BASP1: variants seen among roughly 807,000 people sequenced by gnomAD.
The protein encoded by BASP1 is brain abundant membrane attached signal protein 1.
A neutral mutation model predicts 2.2 loss-of-function variants in BASP1; 1 was observed. The ratio of observed to expected loss-of-function variants is 0.46; its 90% CI spans 0.16 to 2.17. The LOEUF is 2.17. Ranked by LOEUF, BASP1 falls within the 30% of genes most tolerant of loss-of-function variation. The pLI, the probability that BASP1 is intolerant of heterozygous loss-of-function variation, is 0.27. For synonymous variants in BASP1, 187 were observed against 154.2 expected (o/e 1.21, Z -1.58); for missense variants, 352 against 327.2 (o/e 1.08, Z -0.58).
Position 17,275,957 on chromosome 5 carries a change from C to G in BASP1, c.*57C>G. 1 of 1,401,406 alleles carries G rather than the reference C, an allele frequency of 7.1e-7. No homozygotes were observed. Among genetic ancestry groups the G allele is most frequent in the South Asian group, 1.5e-5 (1 of 67,892 alleles). The allele number at this position is 1,401,406 out of a possible 1,614,324, so 86.8% of individuals were successfully genotyped here. ...TTAAAACAATCTCCTCTCTCTCTCT[C>G]TCTCTCTCTCTCTATCTCTCTCTCT... is the stretch of plus-strand genomic sequence containing the variant. On this transcript the variant is annotated 3_prime_UTR_variant, in exon 2 of 2. Coordinates refer to ENST00000322611, the MANE Select transcript of BASP1 (RefSeq NM_006317.5). This position sits in a 1 kb window ranked among gnomAD's most constrained non-coding sequence, Gnocchi z 5.3.
intron 1 of BASP1, among the ~76,000 whole-genome samples, chr5:17,237,317 C>T (rs987716577): frequency 6.6e-6 from 1 of 152,002 alleles, no homozygotes; most frequent in Non-Finnish European, 1.5e-5. Flanking sequence ...GCACTCCAGC[C>T]TGGGCGACAC....
At chr5:17,273,855 GGATAGTATAATGT>G (rs1740576826) in intron 1 of BASP1, among the ~76,000 whole-genome samples, 1 of 152,032 alleles carries the variant, frequency 6.6e-6, no homozygotes, top group Admixed American at 6.6e-5. Context: ...GGACTAACGA[GGATAGTATAATGT>G]GATTTCTGCC....
intron 1 of BASP1, among the ~76,000 whole-genome samples, chr5:17,223,267 G>A (rs1739426036): frequency 1.3e-5 from 2 of 152,126 alleles, no homozygotes; most frequent in South Asian, 4.1e-4. Context: ...TACCTTCTCT[G>A]TGCCTCAATT....
chr5:17,245,320 A>T (rs1403383986), intron 1 of BASP1, among the ~76,000 whole-genome samples: 1 of 151,998 alleles, frequency 6.6e-6, no homozygotes, highest in Non-Finnish European at 1.5e-5. Context: ...AAAAAAAAAA[A>T]AAAAATCAGT....
At chr5:17,256,750 A>C (rs1026379046) in intron 1 of BASP1, among the ~76,000 whole-genome samples, 1 of 152,160 alleles carries the variant, frequency 6.6e-6, no homozygotes, top group Non-Finnish European at 1.5e-5. Flanking sequence ...AAGGAGAGTG[A>C]TTCTCTAAGC....
intron 1 of BASP1, among the ~76,000 whole-genome samples, chr5:17,242,537 G>T (rs1159321576): frequency 6.6e-6 from 1 of 152,032 alleles, no homozygotes; most frequent in Non-Finnish European, 1.5e-5. Flanking sequence ...TTCCCTCTTG[G>T]TGTTGTACCT....
At chr5:17,222,516 A>T (rs901561470) in intron 1 of BASP1, among the ~76,000 whole-genome samples, 1 of 152,170 alleles carries the variant, frequency 6.6e-6, no homozygotes, top group African/African-American at 2.4e-5. Context: ...CAAGAGTAAA[A>T]ATCAACCATA....
chr5:17,235,324 G>A (rs1295929531), intron 1 of BASP1, among the ~76,000 whole-genome samples: 2 of 150,980 alleles, frequency 1.3e-5, no homozygotes, highest in African/African-American at 4.9e-5. Context: ...GCAGTGGTGC[G>A]ATCTTGGCTC....
intron 1 of BASP1, among the ~76,000 whole-genome samples, chr5:17,247,366 C>T (rs142974752): frequency 1.5e-4 from 23 of 152,266 alleles, no homozygotes; most frequent in African/African-American, 5.1e-4. Flanking sequence ...GAAAATGCCC[C>T]ATAGGTTCTA....
chr5:17,217,997 C>G (rs1323968534), intron 1 of BASP1, among the ~76,000 whole-genome samples, 187 bp downstream of exon 1: 16 of 151,816 alleles, frequency 1.1e-4, no homozygotes, highest in Admixed American at 9.8e-4. Context: ...CTTCGGGGAT[C>G]CCGGGTGATG....
intron 1 of BASP1, among the ~76,000 whole-genome samples, chr5:17,225,796 T>C (rs1218472562): frequency 1.3e-5 from 2 of 152,178 alleles, no homozygotes; most frequent in Non-Finnish European, 2.9e-5. Flanking sequence ...GGCTTATTGG[T>C]TTGAGAGCTG....
rs55917297 is a variant in BASP1 at position 17,276,633 on chromosome 5, GAAAA to G, written c.*749_*752del. The G allele has an allele frequency of 1.3e-3, 141 of 105,072 alleles. No individual in the cohort carries two copies. The highest frequency in any genetic ancestry group is 1.9e-3 in the Non-Finnish European group (105 of 55,660). The allele number at this position is 105,072 out of a possible 1,614,324, so 6.5% of individuals were successfully genotyped here. The stretch of plus-strand genomic sequence containing the variant: ...GTTCTGTTTATTGGTCAGTGGAAAT[GAAAA>G]AAAAAAAAAAAAAAAGTCTGCGTTC... On this transcript the variant is annotated 3_prime_UTR_variant, in exon 2 of 2. Transcript: ENST00000322611.
chr5:17,244,603 G>A (rs1441410065), intron 1 of BASP1, among the ~76,000 whole-genome samples: 1 of 151,886 alleles, frequency 6.6e-6, no homozygotes, highest in Non-Finnish European at 1.5e-5. Flanking sequence ...AGACTTAAGA[G>A]TTCTGTTTTG....
chr5:17,230,599 C>T lies in BASP1; in HGVS notation c.-10+12789C>T, dbSNP rs139660371. ...TATTTTATTTTTTGAGACAGGGGCT[C>T]GCTCTGTGATGCAGGCTGCAGTGGT... is the stretch of plus-strand genomic sequence containing the variant. On this transcript the variant is annotated intron_variant, in intron 1 of 1. Transcript: ENST00000322611. Among the ~76,000 whole-genome samples, 1,321 of 152,120 alleles carry T rather than the reference C, an allele frequency of 8.7e-3. 24 individuals carry two copies. The highest frequency in any genetic ancestry group is 0.03 in the African/African-American group (1,234 of 41,480).
intron 1 of BASP1, among the ~76,000 whole-genome samples, chr5:17,233,001 A>G (rs1051763456): frequency 3.3e-5 from 5 of 152,222 alleles, no homozygotes; most frequent in African/African-American, 1.2e-4. Flanking sequence ...AGCTTTTCAC[A>G]ATGGTATGAA....
intron 1 of BASP1, among the ~76,000 whole-genome samples, chr5:17,230,404 C>T (rs1286017603): frequency 6.6e-6 from 1 of 151,946 alleles, no homozygotes; most frequent in Non-Finnish European, 1.5e-5. Context: ...TCATGGAAAT[C>T]CTCCATGACT....
intron 1 of BASP1, among the ~76,000 whole-genome samples, chr5:17,270,986 CA>C: frequency 6.6e-6 from 1 of 152,262 alleles, no homozygotes; most frequent in Admixed American, 6.5e-5. Flanking sequence ...AATTCTTGTC[CA>C]ATATTTACCA....
chr5:17,256,909 G>A (rs775492761), intron 1 of BASP1, among the ~76,000 whole-genome samples: 1 of 152,198 alleles, frequency 6.6e-6, no homozygotes, highest in Non-Finnish European at 1.5e-5. Context: ...CTAGGGAAAA[G>A]GTTTCCTGAT....
At chr5:17,223,551 C>A (rs1389113664) in intron 1 of BASP1, among the ~76,000 whole-genome samples, 2 of 152,192 alleles carry the variant, frequency 1.3e-5, no homozygotes, top group Admixed American at 1.3e-4. Flanking sequence ...TAAGAATACG[C>A]TAAATACGTC....
Sources: gnomAD v4.1 joint callset for allele counts (sites outside exome capture counted in the v4.1 genomes callset) on GRCh38, gnomAD v4.1.1 for gene constraint, Gnocchi (gnomAD v3.1) non-coding constraint, MANE v1.5 for transcripts, NCBI Gene and HGNC (gene_info 2026-07-23, HGNC 2026-07-21) for gene names.